ANKS1B: variants seen among roughly 807,000 people sequenced by gnomAD.
ANKS1B encodes ankyrin repeat and sterile alpha motif domain-containing protein 1B.
ANKS1B carries 36 observed loss-of-function variants against 148.3 expected under a neutral mutation model. That is an observed-to-expected ratio of 0.24 (90% confidence interval 0.19 to 0.32). ANKS1B has a LOEUF of 0.32. Ranked by LOEUF, ANKS1B falls within the 10% of genes least tolerant of loss-of-function variation. The pLI, the probability that ANKS1B is intolerant of heterozygous loss-of-function variation, is 1.00. For synonymous variants in ANKS1B, 542 were observed against 560.8 expected, an observed-to-expected ratio of 0.97 and a Z score of 0.47; for missense variants, 1,157 against 1,542.6, an observed-to-expected ratio of 0.75 and a Z score of 4.19.
chr12:99,392,683 GCTT>G (rs2094115160), intron 12 of ANKS1B, among the ~76,000 whole-genome samples: 1 of 152,156 alleles, frequency 6.6e-6, no homozygotes, highest in African/African-American at 2.4e-5. Flanking sequence ...GCGATGCTCA[GCTT>G]CTTTTCCCCC....
At chr12:98,984,496 A>G (rs1056873609) in intron 17 of ANKS1B, among the ~76,000 whole-genome samples, 5 of 152,290 alleles carry the variant, frequency 3.3e-5, no homozygotes, top group Admixed American at 1.3e-4. Context: ...TGTAGCTTTA[A>G]CACCTTTCTT....
intron 14 of ANKS1B, among the ~76,000 whole-genome samples, chr12:99,161,918 A>G (rs1228819891): frequency 6.6e-6 from 1 of 152,218 alleles, no homozygotes; most frequent in Non-Finnish European, 1.5e-5. Flanking sequence ...AACTGTGCAG[A>G]TGGCCAAGGC....
At chr12:99,327,322 ATAT>A (rs559519128) in intron 12 of ANKS1B, among the ~76,000 whole-genome samples, 1,773 of 105,794 alleles carry the variant, frequency 0.017, 69 homozygotes, top group African/African-American at 0.083. Flanking sequence ...TTATAATTAC[ATAT>A]TATATATAAT....
At chr12:99,517,754 G>A (rs928519323) in intron 9 of ANKS1B, among the ~76,000 whole-genome samples, 1 of 152,040 alleles carries the variant, frequency 6.6e-6, no homozygotes, top group Non-Finnish European at 1.5e-5. Context: ...CCAGTACTAT[G>A]CTGACTAACG....
chr12:99,979,288 G>T (rs1203479575), intron 1 of ANKS1B, among the ~76,000 whole-genome samples: 1 of 152,084 alleles, frequency 6.6e-6, no homozygotes, highest in Non-Finnish European at 1.5e-5. Flanking sequence ...AAATGCTAAT[G>T]TCCTTTTTAG....
At chr12:99,688,692 A>G (rs889197762) in intron 8 of ANKS1B, among the ~76,000 whole-genome samples, 4 of 152,116 alleles carry the variant, frequency 2.6e-5, no homozygotes, top group African/African-American at 9.7e-5. Context: ...ATAGCCAAGT[A>G]TAGTGGTGCA....
intron 15 of ANKS1B, among the ~76,000 whole-genome samples, chr12:99,150,588 G>C (rs1295574978): frequency 6.6e-5 from 10 of 152,064 alleles, no homozygotes; most frequent in Admixed American, 6.6e-4. Context: ...GATAAGAATA[G>C]ATTCTTTGGG....
At chr12:99,001,422 C>T (rs779266110) in intron 17 of ANKS1B, among the ~76,000 whole-genome samples, 2 of 152,158 alleles carry the variant, frequency 1.3e-5, no homozygotes, top group African/African-American at 4.8e-5. Context: ...AGCCACCATG[C>T]CAGGCCCCAG....
rs150872445 is a variant in ANKS1B, at chr12:99,127,857, T to A, written c.2526+26432A>T. Reference sequence around the variant, plus strand: ...TTTGCCTCCACAAATTAGACTTTTTTAAATAAAATGTAATCCTTTTTTGCT... The same window carrying A: ...TTTGCCTCCACAAATTAGACTTTTTAAAATAAAATGTAATCCTTTTTTGCT... On this transcript the variant is annotated intron_variant, in intron 15 of 26. Transcript: ENST00000683438. 3.7e-4 allele frequency among the ~76,000 whole-genome samples: 56 copies of A among 152,350 alleles called. No individual in the cohort carries two copies. In the East Asian group the frequency reaches 9.0e-3, roughly 25 times the overall value.
chr12:99,946,398 T>G (rs544207594), intron 1 of ANKS1B, among the ~76,000 whole-genome samples: 1 of 152,236 alleles, frequency 6.6e-6, no homozygotes, highest in South Asian at 2.1e-4. Flanking sequence ...CATGGTAGAG[T>G]TCTGGTGTGC....
At chr12:99,154,808 A>G in intron 14 of ANKS1B, 1 of 1,498,208 alleles carries the variant, frequency 6.7e-7, no homozygotes, top group Non-Finnish European at 8.8e-7. Flanking sequence ...GTACTCCTAC[A>G]CTCATCAGTA....
At chr12:98,846,036 A>ATATATATG (rs2099464116) in intron 17 of ANKS1B, among the ~76,000 whole-genome samples, 1 of 151,070 alleles carries the variant, frequency 6.6e-6, no homozygotes, top group Non-Finnish European at 1.5e-5. Flanking sequence ...ATATATATAT[A>ATATATATG]TGTATATTTT....
At chr12:99,705,527 G>C (rs1217434967) in intron 8 of ANKS1B, among the ~76,000 whole-genome samples, 1 of 152,114 alleles carries the variant, frequency 6.6e-6, no homozygotes, top group Non-Finnish European at 1.5e-5. Flanking sequence ...GCATCTAGAA[G>C]ACAATATGGT....
At chr12:98,739,219 C>A (rs1227781695), downstream of ANKS1B, among the ~76,000 whole-genome samples, 2 of 152,222 alleles carry the variant, frequency 1.3e-5, no homozygotes, top group Non-Finnish European at 2.9e-5. Context: ...AAGAGCATCA[C>A]TTCAGTTCTG....
At chr12:99,465,117 A>G (rs1460655780) in intron 10 of ANKS1B, among the ~76,000 whole-genome samples, 1 of 152,204 alleles carries the variant, frequency 6.6e-6, no homozygotes, top group African/African-American at 2.4e-5. Context: ...TACAAGCCAG[A>G]AGAGAGTGGG....
rs116942009 is a variant in ANKS1B, at chr12:99,382,819, T to G, written c.1756+16812A>C. ...ACTTTTAAATGCTTTTATTGTGCCC[T>G]CTGTTCCAACTGATTTTGATACCTT... On this transcript the variant is annotated intron_variant, in intron 12 of 26. Coordinates refer to ENST00000683438, the MANE Select transcript of ANKS1B (RefSeq NM_001352186.2). 7.7e-3 allele frequency among the ~76,000 whole-genome samples: 1,172 copies of G among 152,056 alleles called. 5 individuals carry two copies. The highest frequency in any genetic ancestry group is 0.017 in the Middle Eastern group (5 of 290).
At position 99,961,788 on chromosome 12, in the gene ANKS1B, T is replaced by C. The variant is rs117552511; in HGVS notation, c.134+22316A>G. ...GTTTTGGAGGGATTTTTAAAGGTAA[T>C]CCAGGAACAAATAGGATAGGTACTC... is the stretch of plus-strand genomic sequence containing the variant. On this transcript the variant is annotated intron_variant, in intron 1 of 26. Transcript: ENST00000683438. 2.4e-3 allele frequency among the ~76,000 whole-genome samples: 372 copies of C among 152,248 alleles called. 1 individual carries two copies. Among genetic ancestry groups the C allele is most frequent in the Admixed American group, 4.6e-3 (70 of 15,292 alleles).
chr12:99,239,547 A>C (rs1012920764), intron 14 of ANKS1B, among the ~76,000 whole-genome samples: 7 of 152,224 alleles, frequency 4.6e-5, no homozygotes, highest in African/African-American at 1.7e-4. Flanking sequence ...CCAACATTCA[A>C]ATTCAGGAAA....
intron 9 of ANKS1B, among the ~76,000 whole-genome samples, chr12:99,623,521 G>T (rs1405933503): frequency 2.0e-5 from 3 of 151,886 alleles, no homozygotes; most frequent in Non-Finnish European, 4.4e-5. Flanking sequence ...CTGCCAATAG[G>T]CTCATGGAAC....
Sources: gnomAD v4.1 joint callset for allele counts (sites outside exome capture counted in the v4.1 genomes callset) on GRCh38, gnomAD v4.1.1 for gene constraint, MANE v1.5 for transcripts, NCBI Gene and HGNC (gene_info 2026-07-23, HGNC 2026-07-21) for gene names.